MEGF11: variants seen among roughly 807,000 people sequenced by gnomAD.
MEGF11 encodes the protein multiple epidermal growth factor-like domains protein 11.
A neutral mutation model predicts 146.6 loss-of-function variants in MEGF11; 126 were observed. The observed-to-expected ratio is 0.86, with a 90% CI of 0.74 to 1.00. MEGF11 has a LOEUF of 1.00. Among genes scored for constraint, MEGF11 ranks in the 50% least tolerant of loss-of-function variants. MEGF11 has a pLI of 0.00. For missense variants in MEGF11, 1,509 were observed against 1,521.2 expected (o/e 0.99, Z 0.13); for synonymous variants, 532 against 583.4 (o/e 0.91, Z 1.27).
Position 65,909,722 on chromosome 15 carries a change from ACT to A in MEGF11, c.2896+16_2896+17del. 1.3e-6 allele frequency: 2 copies of A among 1,560,126 alleles called. No individual in the cohort carries two copies. The highest frequency in any genetic ancestry group is 1.7e-6 in the Non-Finnish European group (2 of 1,160,074). ...GGTGGGACATGATGGTGGGGACCAG[ACT>A]CACACCACTACTGACCTAACACGTT... is the stretch of plus-strand genomic sequence containing the variant. On this transcript the variant is annotated intron_variant, in intron 22 of 25. Transcript: ENST00000395614.
intron 10 of MEGF11, among the ~76,000 whole-genome samples, chr15:65,948,156 A>G (rs1339970386): frequency 1.3e-5 from 2 of 152,082 alleles, no homozygotes; most frequent in African/African-American, 2.4e-5. Flanking sequence ...GCCCAGGGAA[A>G]CATCAGTACG....
At chr15:65,940,338 T>G (rs1225768186) in intron 10 of MEGF11, among the ~76,000 whole-genome samples, 1 of 152,226 alleles carries the variant, frequency 6.6e-6, no homozygotes, top group Non-Finnish European at 1.5e-5. Flanking sequence ...TGCCTGCTCC[T>G]TGTCAAGCAG....
chr15:65,965,301 CCA>C, intron 8 of MEGF11, 181 bp from the exon 9 acceptor site: 2 of 526,624 alleles, frequency 3.8e-6, no homozygotes, highest in Non-Finnish European at 6.6e-6. Flanking sequence ...TTAGTTCGCC[CCA>C]GTCATTTCTG....
At chr15:66,094,152 T>C (rs78351370) in intron 5 of MEGF11, among the ~76,000 whole-genome samples, 2,089 of 152,026 alleles carry the variant, frequency 0.014, 43 homozygotes, top group African/African-American at 0.046. Flanking sequence ...GTCAGAGTTG[T>C]CCAGATGATC....
chr15:66,221,990 G>T (rs957583746), intron 1 of MEGF11, among the ~76,000 whole-genome samples: 4 of 152,110 alleles, frequency 2.6e-5, no homozygotes, highest in Non-Finnish European at 5.9e-5. Context: ...CAATTAGGCC[G>T]CTTGCACTTA....
intron 14 of MEGF11, 61 bp downstream of exon 14, chr15:65,922,762 C>A: frequency 1.3e-6 from 2 of 1,570,894 alleles, no homozygotes; most frequent in Non-Finnish European, 1.7e-6. Flanking sequence ...CTAGTTCCAA[C>A]TGGAGAGGGC....
chr15:66,201,933 C>A (rs1230165537), intron 1 of MEGF11, among the ~76,000 whole-genome samples: 1 of 106,900 alleles, frequency 9.4e-6, no homozygotes, highest in Non-Finnish European at 1.7e-5. Context: ...GGCGACAGAG[C>A]AAGACTCCAT....
chr15:65,967,225 T>C (rs2081135591), intron 8 of MEGF11: 1 of 152,260 alleles, frequency 6.6e-6, no homozygotes, highest in Non-Finnish European at 1.5e-5. Context: ...TTAGTTATTT[T>C]CACTAGTACT....
At chr15:66,117,789 C>T (rs1025893283) in intron 4 of MEGF11, among the ~76,000 whole-genome samples, 3 of 152,144 alleles carry the variant, frequency 2.0e-5, no homozygotes, top group Non-Finnish European at 4.4e-5. Context: ...TGACCAAGGC[C>T]TCATCCTAGC....
At chr15:66,118,264 C>A (rs2087831745) in intron 4 of MEGF11, among the ~76,000 whole-genome samples, 1 of 151,810 alleles carries the variant, frequency 6.6e-6, no homozygotes, top group Non-Finnish European at 1.5e-5. Context: ...CCCTTAGAAC[C>A]CAACAGGGAC....
At chr15:66,130,293 C>T (rs1227759428) in intron 1 of MEGF11, among the ~76,000 whole-genome samples, 1 of 152,116 alleles carries the variant, frequency 6.6e-6, no homozygotes, top group Non-Finnish European at 1.5e-5. Context: ...AAGAAATAAA[C>T]AATGGGACAC....
At chr15:65,929,979 A>C in intron 11 of MEGF11, 96 bp from the exon 12 acceptor site, 2 of 1,200,418 alleles carry the variant, frequency 1.7e-6, no homozygotes, top group Non-Finnish European at 1.2e-6. Flanking sequence ...TTCCACCCAA[A>C]CCACTGCTTT....
At chr15:65,898,616 C>G in intron 25 of MEGF11, 112 bp downstream of exon 25, 1 of 1,511,754 alleles carries the variant, frequency 6.6e-7, no homozygotes, top group Non-Finnish European at 8.8e-7. Flanking sequence ...CCTTTAAAAG[C>G]AACAAAAGAA....
chr15:66,214,109 C>T (rs1305003228), intron 1 of MEGF11, among the ~76,000 whole-genome samples: 8 of 146,386 alleles, frequency 5.5e-5, no homozygotes, highest in Non-Finnish European at 1.0e-4. Context: ...AATCTTGGCT[C>T]ACTGCAACCT....
intron 1 of MEGF11, among the ~76,000 whole-genome samples, chr15:66,215,366 C>A (rs776367275): frequency 3.9e-5 from 6 of 152,126 alleles, no homozygotes; most frequent in African/African-American, 1.4e-4. Flanking sequence ...GCCCTGGGAA[C>A]CTCCACATTG....
Position 65,898,892 on chromosome 15 carries a change from A to G in MEGF11, c.3098T>C (p.Leu1033Ser). 2 of 1,613,980 alleles carry G rather than the reference A, an allele frequency of 1.2e-6. No individual in the cohort carries two copies. Among genetic ancestry groups the G allele is most frequent in the Non-Finnish European group, 1.7e-6 (2 of 1,179,852 alleles). Reference sequence around the variant, plus strand: ...GGCGTAAGGGTTTTCACTGCTATTCAAGGAACAAGTACTAGAACTGCACAC... The same window carrying G: ...GGCGTAAGGGTTTTCACTGCTATTCGAGGAACAAGTACTAGAACTGCACAC... ...ESVCSSSTCS[L>S]NSSENPYATI... The change falls in exon 25 of 26, where the codon TTG becomes TCG. Residue 1033 changes from leucine to serine, a missense_variant. Physicochemically the swap from Leu to Ser is moderately radical, Grantham distance 145 (BLOSUM62 -2). Transcript: ENST00000395614.
At chr15:66,085,546 T>C (rs2086072320) in intron 5 of MEGF11, among the ~76,000 whole-genome samples, 1 of 152,198 alleles carries the variant, frequency 6.6e-6, no homozygotes, top group African/African-American at 2.4e-5. Context: ...TGGGTAGACT[T>C]ACCAGGTAGC....
In MEGF11 at chr15:66,211,454, G is replaced by C. The variant is rs1025192476; in HGVS notation, c.-9+42151C>G. On this transcript the variant is annotated intron_variant, in intron 1 of 25. Coordinates refer to ENST00000395614, the MANE Select transcript of MEGF11 (RefSeq NM_001385028.1). ...CAGGAAAATGGCGTGAACCCGGGAG[G>C]GGGAGCTTGCAGTGAGCCAAGATGG... 5.9e-5 allele frequency among the ~76,000 whole-genome samples: 9 copies of C among 152,020 alleles called. 1 individual carries two copies. The South Asian group carries it at 1.9e-3, about 32-fold the overall frequency.
chr15:66,080,217 G>C (rs1287296882), intron 5 of MEGF11, among the ~76,000 whole-genome samples: 1 of 152,168 alleles, frequency 6.6e-6, no homozygotes, highest in African/African-American at 2.4e-5. Context: ...TTGAGCACAG[G>C]CTCCTCACAA....
Sources: allele counts gnomAD v4.1 joint callset (sites outside exome capture counted in the v4.1 genomes callset), GRCh38; gene constraint gnomAD v4.1.1; transcripts MANE v1.5; gene names NCBI Gene and HGNC (gene_info 2026-07-23, HGNC 2026-07-21).